The following NTRK1 variants were observed in gnomAD, a reference collection of about 807,000 sequenced individuals.
NTRK1 encodes the protein high affinity nerve growth factor receptor.
In NTRK1, 62 loss-of-function variants were observed where a neutral mutation model predicts 86.8. The observed-to-expected ratio is 0.71, with a 90% CI of 0.58 to 0.88. The LOEUF (loss-of-function observed/expected upper bound fraction) is 0.88, where lower values mean the gene tolerates loss of function less well. NTRK1 is among the 40% of genes least tolerant of loss of function. The pLI, the probability that NTRK1 is intolerant of heterozygous loss-of-function variation, is 0.00. For missense variants in NTRK1, 967 were observed against 1,078.4 expected (o/e 0.90, Z 1.45); for synonymous variants, 469 against 456.6 (o/e 1.03, Z -0.35).
chr1:156,843,370 C>G, intron 2 of NTRK1: 3 of 1,593,252 alleles, frequency 1.9e-6, no homozygotes, highest in Non-Finnish European at 2.6e-6. Flanking sequence ...AAGTCTGTCT[C>G]TGCTCCTCTC....
intron 2 of NTRK1, among the ~76,000 whole-genome samples, chr1:156,849,866 G>T (rs965837811): frequency 1.3e-5 from 2 of 151,910 alleles, no homozygotes; most frequent in African/African-American, 2.4e-5. Flanking sequence ...AATGTGTCTG[G>T]AGACATGAGA....
In NTRK1 at chr1:156,864,726, A is replaced by G; in HGVS notation, c.288-2A>G. On this transcript the variant is annotated splice_acceptor_variant, in intron 2 of 16. Transcript: ENST00000524377. LOFTEE classifies it high-confidence loss of function. ...GACTGATCCTCCTGCACCCCTCCCCAGCACCATCGTGAAGAGTGGTCTCCG... is the reference window on the plus strand; with the variant it reads ...GACTGATCCTCCTGCACCCCTCCCCGGCACCATCGTGAAGAGTGGTCTCCG... 6.2e-7 allele frequency: 1 copy of G among 1,614,028 alleles called. No individual in the cohort carries two copies. Among genetic ancestry groups the G allele is most frequent in the Non-Finnish European group, 8.5e-7 (1 of 1,179,962 alleles).
intron 2 of NTRK1, chr1:156,846,497 C>G: frequency 6.3e-7 from 1 of 1,592,790 alleles, no homozygotes; most frequent in Non-Finnish European, 8.6e-7. Flanking sequence ...CTGACTGACT[C>G]TTGCACCCTC....
chr1:156,875,036 G>A (rs376637648), intron 11 of NTRK1, 28 bp downstream of exon 11: 332 of 1,504,084 alleles, frequency 2.2e-4, no homozygotes, highest in Non-Finnish European at 2.6e-4. Context: ...AGGGCTGTCT[G>A]TCTGTCTGTT....
intron 8 of NTRK1, chr1:156,874,170 G>A (rs2102907676): frequency 1.1e-6 from 1 of 905,378 alleles, no homozygotes; most frequent in Non-Finnish European, 1.8e-6. Flanking sequence ...TTGTCGGCTG[G>A]CTGAGGAGAC....
intron 1 of NTRK1, among the ~76,000 whole-genome samples, chr1:156,820,809 A>G (rs1354143818): frequency 2.0e-5 from 3 of 152,130 alleles, no homozygotes; most frequent in African/African-American, 7.2e-5. Context: ...TGTTTTTTAT[A>G]GTTCTGTGAA....
intron 1 of NTRK1, among the ~76,000 whole-genome samples, chr1:156,834,671 G>T (rs549302786): frequency 6.6e-6 from 1 of 151,842 alleles, no homozygotes; most frequent in Non-Finnish European, 1.5e-5. Flanking sequence ...AGTTACTTAT[G>T]TTAAATGTTA....
rs1171586266 is a variant in NTRK1 at position 156,881,751 on chromosome 1, C to G, written c.*109C>G. 3 of 1,159,134 alleles carry G rather than the reference C, an allele frequency of 2.6e-6. No individual in the cohort carries two copies. The highest frequency in any genetic ancestry group is 3.6e-6 in the Non-Finnish European group (3 of 843,672). The allele number at this position is 1,159,134 out of a possible 1,614,324, so 71.8% of individuals were successfully genotyped here. A position where few individuals can be genotyped will look rare whatever the true frequency, so the allele number is the denominator to read the frequency against. On this transcript the variant is annotated 3_prime_UTR_variant, in exon 17 of 17. Coordinates refer to ENST00000524377, the MANE Select transcript of NTRK1 (RefSeq NM_002529.4). ...GGTGATCTCAAAGTATCTAATTCAC[C>G]CTCAGCATGTGGGAAGGGACAGGTG...
At chr1:156,845,355 GC>G (rs1654956947) in intron 2 of NTRK1, 1 of 1,598,580 alleles carries the variant, frequency 6.3e-7, no homozygotes, top group Non-Finnish European at 8.5e-7. Flanking sequence ...CTCAGCACCT[GC>G]CCTAGTCCTG....
Position 156,844,813 on chromosome 1 carries a change from G to A in NTRK1, c.50+2620G>A, listed in dbSNP as rs1279626975. On this transcript the variant is annotated intron_variant, in intron 2 of 16. Transcript: ENST00000392302. Reference sequence around the variant, plus strand: ...ACTGTTCTTGCTGGAGGCCTCCCAGGCCACCTTTCCTGGAATACCATCAGC... The same window carrying A: ...ACTGTTCTTGCTGGAGGCCTCCCAGACCACCTTTCCTGGAATACCATCAGC... 6.2e-7 allele frequency: 1 copy of A among 1,613,988 alleles called. No individual in the cohort carries two copies. The highest frequency in any genetic ancestry group is 1.3e-5 in the African/African-American group (1 of 74,920).
chr1:156,846,580 C>T, intron 2 of NTRK1: 1 of 1,614,216 alleles, frequency 6.2e-7, no homozygotes, highest in Middle Eastern at 1.6e-4. Flanking sequence ...GGCTGTCCTC[C>T]TCAGTGGTTA....
exon 2 of NTRK1, chr1:156,842,115 C>T (rs1317721002): frequency 3.7e-6 from 6 of 1,614,012 alleles, no homozygotes; most frequent in South Asian, 1.1e-5. Flanking sequence ...TCTGTACCCC[C>T]GATCTTGACG....
intron 1 of NTRK1, among the ~76,000 whole-genome samples, chr1:156,817,791 TACC>T (rs889965081): frequency 6.6e-6 from 1 of 151,984 alleles, no homozygotes; most frequent in Non-Finnish European, 1.5e-5. Flanking sequence ...TACAGGCTTG[TACC>T]ACCATGCCTG....
At chr1:156,835,774 C>T (rs1654583079) in intron 1 of NTRK1, among the ~76,000 whole-genome samples, 2 of 152,200 alleles carry the variant, frequency 1.3e-5, no homozygotes, top group African/African-American at 2.4e-5. Flanking sequence ...GCTTACAAAG[C>T]ACTGGGCATC....
chr1:156,864,371 A>G lies in NTRK1; in HGVS notation c.230A>G (p.Gln77Arg), dbSNP rs1558097782. 3 of 1,614,178 alleles carry G rather than the reference A, an allele frequency of 1.9e-6. No individual in the cohort carries two copies. Among genetic ancestry groups the G allele is most frequent in the Non-Finnish European group, 2.5e-6 (3 of 1,180,022 alleles). The change falls in exon 2 of 17, where the codon CAG (glutamine) becomes CGG (arginine). Residue 77 changes from glutamine to arginine, a missense_variant. By Grantham distance (43) the Gln-to-Arg change is conservative. Coordinates refer to ENST00000524377, the MANE Select transcript of NTRK1 (RefSeq NM_002529.4). ...CCCCACAGCTACATCGAGAACCAGC[A>G]GCATCTGCAGCATCTGGAGCTCCGT... ...NLTELYIENQQHLQHLELRDL... is the reference protein window; with the variant it reads ...NLTELYIENQRHLQHLELRDL...
intron 2 of NTRK1, among the ~76,000 whole-genome samples, chr1:156,849,904 A>C (rs1470287049): frequency 6.6e-6 from 1 of 150,414 alleles, no homozygotes; most frequent in Non-Finnish European, 1.5e-5. Flanking sequence ...AGACTAGATG[A>C]CTAGATGGTA....
chr1:156,844,460 AC>A, intron 2 of NTRK1: 1 of 1,613,056 alleles, frequency 6.2e-7, no homozygotes, highest in Non-Finnish European at 8.5e-7. Context: ...GGCTGTGTAT[AC>A]CTGGGCCAAG....
chr1:156,816,245 A>C, intron 1 of NTRK1: 3 of 1,333,748 alleles, frequency 2.2e-6, no homozygotes, highest in Non-Finnish European at 3.0e-6. Flanking sequence ...GGAGTTTCTC[A>C]GGCATGAGGT....
intron 1 of NTRK1, chr1:156,841,747 C>G: frequency 1.2e-6 from 2 of 1,614,160 alleles, no homozygotes; most frequent in Non-Finnish European, 1.7e-6. Flanking sequence ...CCCTTCCCAC[C>G]CTTGCGGTAA....
Sources: gnomAD v4.1 joint callset for allele counts (sites outside exome capture counted in the v4.1 genomes callset) on GRCh38, gnomAD v4.1.1 for gene constraint, MANE v1.5 for transcripts, NCBI Gene and HGNC (gene_info 2026-07-23, HGNC 2026-07-21) for gene names.